Variants in PIEZO2 observed in about 807,000 individuals in gnomAD.
The protein encoded by PIEZO2 is piezo-type mechanosensitive ion channel component 2.
A neutral mutation model predicts 337.3 loss-of-function variants in PIEZO2; 172 were observed. The observed-to-expected ratio is 0.51, with a 90% CI of 0.45 to 0.58. The LOEUF (loss-of-function observed/expected upper bound fraction) is 0.58. Ranked by LOEUF, PIEZO2 falls within the 20% of genes least tolerant of loss-of-function variation. The pLI, the probability that PIEZO2 is intolerant of heterozygous loss-of-function variation, is 0.00. For missense variants in PIEZO2, 3,028 were observed against 3,391.3 expected, an observed-to-expected ratio of 0.89 and a Z score of 2.66; for synonymous variants, 1,251 against 1,228.5, an observed-to-expected ratio of 1.02 and a Z score of -0.38.
chr18:10,848,949 T>G (rs773988961), intron 7 of PIEZO2, among the ~76,000 whole-genome samples: 11 of 152,182 alleles, frequency 7.2e-5, no homozygotes, highest in African/African-American at 9.7e-5. Context: ...CACCACAAGA[T>G]AAGCAAACCA....
At chr18:10,719,695 C>G (rs1172989600) in intron 36 of PIEZO2, among the ~76,000 whole-genome samples, 1 of 152,140 alleles carries the variant, frequency 6.6e-6, no homozygotes, top group Non-Finnish European at 1.5e-5. Context: ...TAATGATTTT[C>G]TTCCCTTTGA....
chr18:10,986,093 C>G (rs1467814042), intron 2 of PIEZO2, among the ~76,000 whole-genome samples: 1 of 151,894 alleles, frequency 6.6e-6, no homozygotes, highest in South Asian at 2.1e-4. Flanking sequence ...CACTTTAAGT[C>G]AAAAACTCAC....
chr18:10,683,253 C>T (rs944922131), intron 49 of PIEZO2, among the ~76,000 whole-genome samples: 2 of 152,252 alleles, frequency 1.3e-5, no homozygotes, highest in Admixed American at 6.5e-5. Context: ...ATAGATTACA[C>T]ACCAGGAGAG....
intron 2 of PIEZO2, among the ~76,000 whole-genome samples, chr18:11,004,966 A>C (rs1248867942): frequency 6.6e-6 from 1 of 152,230 alleles, no homozygotes; most frequent in African/African-American, 2.4e-5. Flanking sequence ...TGTGCCATTA[A>C]ATATTGACTG....
At chr18:10,871,524 G>A in intron 4 of PIEZO2, 109 bp from the exon 5 acceptor site, 1 of 1,049,376 alleles carries the variant, frequency 9.5e-7, no homozygotes, top group Non-Finnish European at 1.3e-6. Flanking sequence ...AATAAAAGAT[G>A]CTCCGTTTCT....
At chr18:10,706,226 GGGGAAT>G (rs1384276219) in intron 40 of PIEZO2, among the ~76,000 whole-genome samples, 2 of 152,214 alleles carry the variant, frequency 1.3e-5, no homozygotes, top group East Asian at 3.9e-4. Flanking sequence ...GACCATAAGG[GGGGAAT>G]GGGAATGGGA....
chr18:10,896,060 C>CG (rs575256946), intron 4 of PIEZO2, among the ~76,000 whole-genome samples: 2 of 119,462 alleles, frequency 1.7e-5, no homozygotes, highest in African/African-American at 3.2e-5. Context: ...AATTTCATCT[C>CG]AAAAAAAAAA....
chr18:11,134,856 C>G (rs532296811), intron 1 of PIEZO2, among the ~76,000 whole-genome samples: 1 of 152,004 alleles, frequency 6.6e-6, no homozygotes, highest in East Asian at 1.9e-4. Flanking sequence ...ATTCAAAGTG[C>G]TACATGAGAA....
Position 10,708,336 on chromosome 18 carries a change from G to A in PIEZO2, c.5527C>T (p.Arg1843Cys), listed in dbSNP as rs1451774475. Residue 1843 changes from arginine to cysteine, a missense_variant, in exon 40 of 56, where the codon CGT becomes TGT. By Grantham distance (180) the Arg-to-Cys change is radical (BLOSUM62 -3). This residue lies in a region of PIEZO2 where 1,925 missense variants were observed against 2,051.9 expected (regional missense o/e 0.94). Transcript: ENST00000674853. ...GACATATCCATGCTGAGCATTTTAC[G>A]GAGCCTAGGCCGAGCACGCTCGCTT... is the stretch of plus-strand genomic sequence containing the variant. ...KTSERARPRL[R>C]KMLSMDMSSS... The A allele has an allele frequency of 3.3e-5, 5 of 152,646 alleles. No homozygotes were observed. The highest frequency in any genetic ancestry group is 1.9e-4 in the East Asian group (1 of 5,196). The allele number at this position is 152,646 out of a possible 1,614,324, so 9.5% of individuals were successfully genotyped here.
intron 2 of PIEZO2, among the ~76,000 whole-genome samples, chr18:11,008,250 G>T (rs993733754): frequency 6.6e-6 from 1 of 152,154 alleles, no homozygotes; most frequent in Non-Finnish European, 1.5e-5. Context: ...CACAATTCAT[G>T]TTCCAGCCAC....
In PIEZO2 at chr18:10,699,016, C is replaced by T. The variant is rs775626649; in HGVS notation, c.6603G>A (p.Pro2201=). Reference sequence around the variant, plus strand: ...TCCTCCGGACAGCTGTCTGCTGCTCCGGGAAGGTCACATGCACTGACTCCA... The same window carrying T: ...TCCTCCGGACAGCTGTCTGCTGCTCTGGGAAGGTCACATGCACTGACTCCA... ...ASVESVHVTF[P]EQQTAVRRKR... is the part of the protein sequence containing the mutation. Residue 2201 remains proline, a synonymous_variant, in exon 44 of 56, where the codon CCG becomes CCA. Transcript: ENST00000674853. The T allele has an allele frequency of 3.4e-5, 53 of 1,536,948 alleles. No individual in the cohort carries two copies. Among genetic ancestry groups the T allele is most frequent in the Admixed American group, 2.6e-4 (13 of 50,980 alleles).
rs932505478 is a variant in PIEZO2, at chr18:11,105,061, G to A, written c.65-38839C>T. ...TAAAATTACCACTTACTATCATTTG[G>A]CAAAGAACAGCTTGACTAAGCACGA... On this transcript the variant is annotated intron_variant, in intron 1 of 55. Coordinates refer to ENST00000674853, the MANE Select transcript of PIEZO2 (RefSeq NM_001378183.1). The surrounding 1 kb of genome is among the most constrained non-coding windows in gnomAD (Gnocchi z 4.3). Among the ~76,000 whole-genome samples, 7 of 152,146 alleles carry A rather than the reference G, an allele frequency of 4.6e-5. No individual in the cohort carries two copies. Among genetic ancestry groups the A allele is most frequent in the African/African-American group, 1.7e-4 (7 of 41,436 alleles).
intron 52 of PIEZO2, among the ~76,000 whole-genome samples, chr18:10,678,993 C>A (rs1396431845): frequency 1.4e-5 from 2 of 146,476 alleles, no homozygotes; most frequent in South Asian, 2.1e-4. Flanking sequence ...AGTGCAGTGG[C>A]GTGATCTCAG....
intron 45 of PIEZO2, among the ~76,000 whole-genome samples, chr18:10,697,109 T>G (rs1445905456): frequency 6.6e-6 from 1 of 152,182 alleles, no homozygotes; most frequent in Non-Finnish European, 1.5e-5. Flanking sequence ...TATCTATGCT[T>G]TGCTCTGTGC....
At chr18:10,685,391 T>C (rs556664252) in intron 49 of PIEZO2, among the ~76,000 whole-genome samples, 4 of 152,342 alleles carry the variant, frequency 2.6e-5, no homozygotes, top group East Asian at 3.9e-4. Flanking sequence ...AAGTAGCCAT[T>C]GGTTTAGCAT....
At chr18:10,763,767 G>A (rs1223876247) in intron 21 of PIEZO2, among the ~76,000 whole-genome samples, 1 of 152,224 alleles carries the variant, frequency 6.6e-6, no homozygotes, top group African/African-American at 2.4e-5. Flanking sequence ...TGAATGGAGG[G>A]CCCATTGTGG....
In PIEZO2 at chr18:10,734,334, C is replaced by A. The variant is rs144282281; in HGVS notation, c.4914+898G>T. Among the ~76,000 whole-genome samples the A allele has an allele frequency of 8.6e-3, 1,302 of 152,268 alleles. 13 individuals carry two copies. Among genetic ancestry groups the A allele is most frequent in the African/African-American group, 0.03 (1,231 of 41,554 alleles). ...GAGGTGTGGATGGTGCTACTCAAGG[C>A]CCAGCCACGGTTGTGCTTCACATGA... is the stretch of plus-strand genomic sequence containing the variant. On this transcript the variant is annotated intron_variant, in intron 35 of 55. Coordinates refer to ENST00000674853, the MANE Select transcript of PIEZO2 (RefSeq NM_001378183.1).
In PIEZO2 at chr18:10,705,455, G is replaced by A. The variant is rs770096139; in HGVS notation, c.5880C>T (p.Asp1960=). 6.5e-7 allele frequency: 1 copy of A among 1,537,248 alleles called. No homozygotes were observed. Among genetic ancestry groups the A allele is most frequent in the South Asian group, 1.2e-5 (1 of 84,060 alleles). ...FEHLSFGSQD[D]SAGKNRMAVS... ...CTGCCATACGGTTCTTGCCTGCAGAGTCGTCCTGCGAGCCGAAGGACAGAT... is the reference window on the plus strand; with the variant it reads ...CTGCCATACGGTTCTTGCCTGCAGAATCGTCCTGCGAGCCGAAGGACAGAT... The change falls in exon 41 of 56, where the codon GAC becomes GAT. Residue 1960 remains aspartate (D), a synonymous_variant. Coordinates refer to ENST00000674853, the MANE Select transcript of PIEZO2 (RefSeq NM_001378183.1).
At chr18:10,777,707 G>A (rs1296910142) in intron 18 of PIEZO2, among the ~76,000 whole-genome samples, 1 of 152,114 alleles carries the variant, frequency 6.6e-6, no homozygotes, top group Non-Finnish European at 1.5e-5. Flanking sequence ...TTCTAATTTG[G>A]AATATGTGGT....
Sources: allele counts gnomAD v4.1 joint callset (sites outside exome capture counted in the v4.1 genomes callset), GRCh38; gene constraint gnomAD v4.1.1; regional missense constraint gnomAD v4.1.1; non-coding constraint Gnocchi (gnomAD v3.1); transcripts MANE v1.5; gene names NCBI Gene and HGNC (gene_info 2026-07-23, HGNC 2026-07-21).